The following SLC38A5 variants were observed in gnomAD, a reference collection of about 807,000 sequenced individuals.
The protein encoded by SLC38A5 is sodium-coupled neutral amino acid transporter 5.
In SLC38A5, 9 loss-of-function variants were observed where a neutral mutation model predicts 34.6. That is an observed-to-expected ratio of 0.26 (90% CI 0.16 to 0.45). SLC38A5 has a LOEUF of 0.45. SLC38A5 is among the 20% of genes least tolerant of loss of function. The pLI, the probability that SLC38A5 is intolerant of heterozygous loss-of-function variation, is 1.00. For missense variants in SLC38A5, 253 were observed against 394.7 expected, an observed-to-expected ratio of 0.64 and a Z score of 3.04; for synonymous variants, 157 against 155.6, an observed-to-expected ratio of 1.01 and a Z score of -0.07.
intron 8 of SLC38A5, among the ~76,000 whole-genome samples, chrX:48,465,119 G>A (rs1244926732): frequency 9.0e-6 from 1 of 111,495 alleles, no homozygotes; most frequent in African/African-American, 3.3e-5. Context: ...TGCAGCTGGA[G>A]CACAAGCACT....
In SLC38A5 at chrX:48,462,952, T is replaced by G. The variant is rs781800313; in HGVS notation, c.520A>C (p.Ile174Leu). The G allele has an allele frequency of 1.7e-5, 20 of 1,206,594 alleles. No homozygotes were observed. Among genetic ancestry groups the G allele is most frequent in the South Asian group, 5.4e-5 (3 of 55,754 alleles). The change falls in exon 9 of 17, where the codon ATC becomes CTC. Residue 174 changes from isoleucine (I) to leucine (L), a missense_variant. By Grantham distance (5) the Ile-to-Leu change is conservative. Around this residue, in one of 3 missense-constraint regions of SLC38A5, gnomAD observed 176 missense variants for 273.0 expected, o/e 0.64. Coordinates refer to ENST00000620913, the MANE Select transcript of SLC38A5 (RefSeq NM_033518.4). ...ATGATTAACACACTGACGATGATGA[T>G]GAGGAGGTTTCCCTTCAAGAACCAG... ...GDWFLKGNLL[I>L]IIVSVLIILP...
At position 48,459,027 on chromosome X, in the gene SLC38A5, C is replaced by T. The variant is rs1556961301; in HGVS notation, c.1325G>A (p.Cys442Tyr). The T allele has an allele frequency of 8.4e-7, 1 of 1,189,725 alleles. No individual in the cohort carries two copies. The highest frequency in any genetic ancestry group is 2.3e-5 in the Admixed American group (1 of 43,244). Reference protein sequence around the residue: ...FLSWPKIQALCFGVLGVLFMA... With the variant: ...FLSWPKIQALYFGVLGVLFMA... ...GAAGAGGACTCCCAGGACTCCAAAGCACAGGGCCTGTGGGCCAGAGAGACA... is the reference window on the plus strand; with the variant it reads ...GAAGAGGACTCCCAGGACTCCAAAGTACAGGGCCTGTGGGCCAGAGAGACA... The change falls in exon 17 of 17, where the codon TGC becomes TAC. Residue 442 changes from cysteine (C) to tyrosine (Y), a missense_variant. Physicochemically the swap from Cys to Tyr is radical, Grantham distance 194. Around this residue, in one of 3 missense-constraint regions of SLC38A5, gnomAD observed 176 missense variants for 273.0 expected, o/e 0.64. Transcript: ENST00000620913.
intron 12 of SLC38A5, among the ~76,000 whole-genome samples, 190 bp from the exon 13 acceptor site, chrX:48,461,276 C>T: frequency 9.0e-6 from 1 of 111,005 alleles, no homozygotes; most frequent in Non-Finnish European, 1.9e-5. Context: ...ATATCTCCCC[C>T]GATATGACTG....
intron 8 of SLC38A5, among the ~76,000 whole-genome samples, chrX:48,464,931 C>CA (rs1190041180): frequency 3.7e-3 from 292 of 79,347 alleles, no homozygotes; most frequent in African/African-American, 5.4e-3. Flanking sequence ...GAGACTCTGT[C>CA]AAAAAAAAAA....
rs181470352 is a variant in SLC38A5, at chrX:48,464,019, G to A, written c.492-1039C>T. On this transcript the variant is annotated intron_variant, in intron 8 of 16. Coordinates refer to ENST00000620913, the MANE Select transcript of SLC38A5 (RefSeq NM_033518.4). ...GGTAGAGCAACAGTCTGATGATCCA[G>A]TAGACAAGCCACGATGCAGAGTCCA... 3.4e-3 allele frequency among the ~76,000 whole-genome samples: 381 copies of A among 112,221 alleles called. 2 individuals carry two copies. The highest frequency in any genetic ancestry group is 5.0e-3 in the Non-Finnish European group (265 of 53,209).
intron 4 of SLC38A5, 74 bp from the exon 5 acceptor site, chrX:48,467,151 G>A: frequency 1.1e-6 from 1 of 904,080 alleles, no homozygotes; most frequent in Non-Finnish European, 1.6e-6. Context: ...CCAGGGCCAG[G>A]GAAAGACTAG....
chrX:48,461,424 A>C (rs1408769385), intron 12 of SLC38A5, among the ~76,000 whole-genome samples: 1 of 111,131 alleles, frequency 9.0e-6, no homozygotes, highest in Non-Finnish European at 1.9e-5. Flanking sequence ...CCCTATCCCC[A>C]TATCACCAGC....
At chrX:48,464,000 G>A (rs1166760113) in intron 8 of SLC38A5, among the ~76,000 whole-genome samples, 3 of 111,941 alleles carry the variant, frequency 2.7e-5, no homozygotes, top group Non-Finnish European at 3.8e-5. Flanking sequence ...GACAGGTAGA[G>A]CAACAGTCTG....
At chrX:48,461,416 C>T (rs1401213490) in intron 12 of SLC38A5, among the ~76,000 whole-genome samples, 1 of 111,886 alleles carries the variant, frequency 8.9e-6, no homozygotes, top group Non-Finnish European at 1.9e-5. Context: ...CCGTACCTCC[C>T]TATCCCCATA....
chrX:48,464,931 CA>C (rs1190041180), intron 8 of SLC38A5, among the ~76,000 whole-genome samples: 1,687 of 79,354 alleles, frequency 0.021, 18 homozygotes, highest in African/African-American at 0.04. Context: ...GAGACTCTGT[CA>C]AAAAAAAAAA....
chrX:48,460,764 C>T lies in SLC38A5; in HGVS notation c.953G>A (p.Ser318Asn). ...GTGCAGCATCTCCGCCTTCACACTG[C>T]CTGGGCCATGAGACAGAGGGTACGG... ...TATFGYLTFY[S>N]SVKAEMLHMY... is the part of the protein sequence containing the mutation. Residue 318 changes from serine to asparagine, a missense_variant and splice_region_variant, in exon 14 of 17, where the codon AGC (serine) becomes AAC (asparagine). By Grantham distance (46) the Ser-to-Asn change is conservative. Around this residue, in one of 3 missense-constraint regions of SLC38A5, gnomAD observed 176 missense variants for 273.0 expected, o/e 0.64. Coordinates refer to ENST00000620913, the MANE Select transcript of SLC38A5 (RefSeq NM_033518.4). 8.3e-7 allele frequency: 1 copy of T among 1,209,361 alleles called. No individual in the cohort carries two copies. Among genetic ancestry groups the T allele is most frequent in the Non-Finnish European group, 1.1e-6 (1 of 893,629 alleles).
chrX:48,466,204 T>A, intron 7 of SLC38A5, 26 bp downstream of exon 7: 1 of 945,247 alleles, frequency 1.1e-6, no homozygotes, highest in South Asian at 2.1e-5. Flanking sequence ...CCCCCCAAGC[T>A]GACCCCCACC....
rs782217787 is a variant in SLC38A5 at position 48,459,422 on chromosome X, G to A, written c.1317+114C>T. 36 of 682,939 alleles carry A rather than the reference G, an allele frequency of 5.3e-5. 1 individual carries two copies. In the South Asian group the frequency reaches 1.5e-3, roughly 28 times the overall value. 56.3% of individuals were successfully genotyped at this position (682,939 alleles called of 1,213,427 possible). A position where few individuals can be genotyped will look rare whatever the true frequency, so the allele number is the denominator to read the frequency against. On this transcript the variant is annotated intron_variant, in intron 16 of 16. Transcript: ENST00000620913. ...TTCATTCTTCCAGACCATTCTTTCAGATGCTCTCCCAGCCCCCTCCTATGC... is the reference window on the plus strand; with the variant it reads ...TTCATTCTTCCAGACCATTCTTTCAAATGCTCTCCCAGCCCCCTCCTATGC...
chrX:48,462,015 C>A lies in SLC38A5; in HGVS notation c.763G>T (p.Asp255Tyr). Residue 255 changes from aspartate to tyrosine, a missense_variant, in exon 11 of 17, where the codon GAC becomes TAC. Coordinates refer to ENST00000620913, the MANE Select transcript of SLC38A5 (RefSeq NM_033518.4). ...CATGCCTGCACACACACCTGTGAGT[C>A]AACTGTGAACATCTGGGCCTCACAG... ...SSCEAQMFTV[D>Y]SQMSYTVPIM... 8.7e-7 allele frequency: 1 copy of A among 1,151,494 alleles called. No individual in the cohort carries two copies. Among genetic ancestry groups the A allele is most frequent in the South Asian group, 2.1e-5 (1 of 47,721 alleles). The allele number at this position is 1,151,494 out of a possible 1,213,427, so 94.9% of individuals were successfully genotyped here.
At chrX:48,460,021 C>A in intron 14 of SLC38A5, 145 bp from the exon 15 acceptor site, 1 of 790,511 alleles carries the variant, frequency 1.3e-6, no homozygotes, top group Non-Finnish European at 1.8e-6. Flanking sequence ...CTGCCTAACC[C>A]AACATCTGTG....
At chrX:48,465,486 G>A (rs1556962972) in intron 8 of SLC38A5, among the ~76,000 whole-genome samples, 1 of 112,104 alleles carries the variant, frequency 8.9e-6, no homozygotes, top group African/African-American at 3.2e-5. Context: ...CACACTCACA[G>A]CTAGACGGAG....
chrX:48,466,330 G>A lies in SLC38A5; in HGVS notation c.320-8C>T. On this transcript the variant is annotated splice_polypyrimidine_tract_variant and splice_region_variant and intron_variant, in intron 6 of 16. Coordinates refer to ENST00000620913, the MANE Select transcript of SLC38A5 (RefSeq NM_033518.4). ...GCTCATAGGCTCGGATGCCTAGCGG[G>A]GGGAGTCAGGAACAGGGTTGAAGGT... is the stretch of plus-strand genomic sequence containing the variant. 8.4e-7 allele frequency: 1 copy of A among 1,187,323 alleles called. No individual in the cohort carries two copies.
chrX:48,467,992 TGAA>T (rs1602036075), intron 2 of SLC38A5, 67 bp from the exon 3 acceptor site: 2 of 1,003,127 alleles, frequency 2.0e-6, no homozygotes, highest in Non-Finnish European at 1.4e-6. Flanking sequence ...TGAGGGGAGC[TGAA>T]GAAGGGGGGA....
Position 48,467,702 on chromosome X carries a change from C to A in SLC38A5, c.129+8G>T, listed in dbSNP as rs138131854. 1.3e-3 allele frequency: 1,509 copies of A among 1,201,899 alleles called. 15 individuals carry two copies. The African/African-American group carries it at 0.024, about 19-fold the overall frequency. ...TGCCACCAGGACAGATCCTGTGGGG[C>A]CACTCACATCCATGAACTGGACCGG... On this transcript the variant is annotated splice_region_variant and intron_variant, in intron 4 of 16. Coordinates refer to ENST00000620913, the MANE Select transcript of SLC38A5 (RefSeq NM_033518.4).
Sources: gnomAD v4.1 joint callset for allele counts (sites outside exome capture counted in the v4.1 genomes callset) on GRCh38, gnomAD v4.1.1 for gene constraint, gnomAD v4.1.1 regional missense constraint, MANE v1.5 for transcripts, NCBI Gene and HGNC (gene_info 2026-07-23, HGNC 2026-07-21) for gene names.